PCDH15: variants seen among roughly 807,000 people sequenced by gnomAD.
PCDH15 encodes protocadherin-15.
Under a neutral mutation model 178.5 loss-of-function variants are expected in PCDH15, and 129 were observed. The ratio of observed to expected loss-of-function variants is 0.72; its 90% CI spans 0.63 to 0.84. PCDH15 has a LOEUF of 0.84. Ranked by LOEUF, PCDH15 falls within the 40% of genes least tolerant of loss-of-function variation. The pLI, the probability that PCDH15 is intolerant of heterozygous loss-of-function variation, is 0.00. For synonymous variants in PCDH15, 800 were observed against 732.0 expected, an observed-to-expected ratio of 1.09 and a Z score of -1.50; for missense variants, 2,230 against 2,099.9, an observed-to-expected ratio of 1.06 and a Z score of -1.21.
At chr10:54,973,820 C>A (rs572112705) in intron 2 of PCDH15, among the ~76,000 whole-genome samples, 1 of 152,080 alleles carries the variant, frequency 6.6e-6, no homozygotes, top group Non-Finnish European at 1.5e-5. Context: ...AACATATACA[C>A]AATACACAAC....
chr10:55,197,175 T>G (rs2132153794), intron 1 of PCDH15, among the ~76,000 whole-genome samples: 1 of 152,190 alleles, frequency 6.6e-6, no homozygotes, highest in African/African-American at 2.4e-5. Flanking sequence ...TTCAAAACTC[T>G]TATTTTCAAA....
chr10:54,376,774 A>C (rs1948508251), intron 4 of PCDH15, among the ~76,000 whole-genome samples: 1 of 151,948 alleles, frequency 6.6e-6, no homozygotes, highest in East Asian at 1.9e-4. Flanking sequence ...TATAGGGACA[A>C]TATATCGAGA....
chr10:55,616,909 A>G (rs954158326), intron 2 of PCDH15, among the ~76,000 whole-genome samples: 2 of 152,116 alleles, frequency 1.3e-5, no homozygotes, highest in East Asian at 1.9e-4. Context: ...TGTAGAATAT[A>G]CATTAAGTAC....
At chr10:54,167,121 G>A (rs922355714) in intron 13 of PCDH15, among the ~76,000 whole-genome samples, 3 of 152,142 alleles carry the variant, frequency 2.0e-5, no homozygotes, top group Admixed American at 6.5e-5. Flanking sequence ...ACATGGACGC[G>A]CATGAAATTT....
intron 2 of PCDH15, among the ~76,000 whole-genome samples, chr10:55,426,358 C>T (rs1054313647): frequency 3.9e-5 from 6 of 152,066 alleles, no homozygotes; most frequent in Non-Finnish European, 5.9e-5. Flanking sequence ...GCTCTGGTGC[C>T]GGCAGGGGTG....
chr10:55,028,470 C>T (rs1051256847), intron 2 of PCDH15, among the ~76,000 whole-genome samples: 1 of 151,884 alleles, frequency 6.6e-6, no homozygotes, highest in Non-Finnish European at 1.5e-5. Context: ...AAGCATTTAT[C>T]TTTATAACAA....
At chr10:55,350,260 TATATATATAC>T (rs1355788473) in intron 2 of PCDH15, among the ~76,000 whole-genome samples, 91 of 71,506 alleles carry the variant, frequency 1.3e-3, no homozygotes, top group Non-Finnish European at 1.8e-3. Context: ...TATATATATA[TATATATATAC>T]ACACACACAC....
chr10:54,889,902 C>T (rs1954429623), intron 3 of PCDH15, among the ~76,000 whole-genome samples: 1 of 151,788 alleles, frequency 6.6e-6, no homozygotes. Context: ...AATATCACAG[C>T]ACCCATAGTA....
At chr10:53,917,362 G>C (rs982423960) in intron 25 of PCDH15, among the ~76,000 whole-genome samples, 18 of 152,020 alleles carry the variant, frequency 1.2e-4, no homozygotes, top group Non-Finnish European at 2.1e-4. Flanking sequence ...AATGACCTCT[G>C]AATTCTTTGA....
At chr10:55,528,764 A>G (rs1841373253) in intron 2 of PCDH15, among the ~76,000 whole-genome samples, 1 of 152,126 alleles carries the variant, frequency 6.6e-6, no homozygotes, top group South Asian at 2.1e-4. Context: ...GCTGGGTCAA[A>G]TAGTATTTCT....
chr10:54,102,355 G>A (rs142389903), intron 15 of PCDH15, among the ~76,000 whole-genome samples: 1 of 152,306 alleles, frequency 6.6e-6, no homozygotes, highest in African/African-American at 2.4e-5. Context: ...GGAGAAAAAG[G>A]CATTTGCCAA....
Position 53,811,720 on chromosome 10 carries a change from T to C in PCDH15, c.4492-101A>G, listed in dbSNP as rs185136039. On this transcript the variant is annotated intron_variant, in intron 35 of 37. Coordinates refer to ENST00000644397, the MANE Select transcript of PCDH15 (RefSeq NM_001384140.1). ...CTAGAATTCCATGATTCTCAAAACA[T>C]TCCTGCCAAAATAACTTTAAATACA... 1,685 of 625,914 alleles carry C rather than the reference T, an allele frequency of 2.7e-3. 14 individuals are homozygous for C. Among genetic ancestry groups the C allele is most frequent in the Non-Finnish European group, 2.2e-3 (824 of 382,696 alleles). 38.8% of individuals were successfully genotyped at this position (625,914 alleles called of 1,614,324 possible). A position where few individuals can be genotyped will look rare whatever the true frequency, so the allele number is the denominator to read the frequency against.
chr10:54,332,612 T>C (rs1940071344), intron 6 of PCDH15, among the ~76,000 whole-genome samples: 1 of 151,474 alleles, frequency 6.6e-6, no homozygotes. Flanking sequence ...CTTAAGTCTT[T>C]GATGTGATCT....
At chr10:55,080,177 A>G (rs1391378180) in intron 2 of PCDH15, among the ~76,000 whole-genome samples, 1 of 152,082 alleles carries the variant, frequency 6.6e-6, no homozygotes, top group African/African-American at 2.4e-5. Context: ...GGTGCACTAG[A>G]GCAGGGGTTC....
chr10:54,862,502 G>A (rs2131781955), intron 3 of PCDH15, among the ~76,000 whole-genome samples: 1 of 152,212 alleles, frequency 6.6e-6, no homozygotes, highest in African/African-American at 2.4e-5. Context: ...CAGCTTATAT[G>A]CGGCTTGTCC....
chr10:55,534,884 T>C (rs1266472779), intron 2 of PCDH15, among the ~76,000 whole-genome samples: 3 of 151,934 alleles, frequency 2.0e-5, no homozygotes, highest in Non-Finnish European at 4.4e-5. Flanking sequence ...TACACAGCCA[T>C]AAAAAATAAT....
chr10:54,885,539 T>C (rs1274683726), intron 3 of PCDH15, among the ~76,000 whole-genome samples: 1 of 151,780 alleles, frequency 6.6e-6, no homozygotes, highest in Non-Finnish European at 1.5e-5. Context: ...ACAAAATAAA[T>C]AATAATTTCA....
At chr10:55,034,629 T>C (rs1456508509) in intron 2 of PCDH15, among the ~76,000 whole-genome samples, 1 of 152,152 alleles carries the variant, frequency 6.6e-6, no homozygotes, top group Non-Finnish European at 1.5e-5. Context: ...TTGGCACTAT[T>C]TAGAAATTAA....
intron 2 of PCDH15, among the ~76,000 whole-genome samples, chr10:55,367,398 T>G (rs77201791): frequency 0.013 from 1,917 of 151,822 alleles, 33 homozygotes; most frequent in African/African-American, 0.044. Context: ...CTAGGAAACA[T>G]AGGGAGGCCC....
Sources: gnomAD v4.1 joint callset for allele counts (sites outside exome capture counted in the v4.1 genomes callset) on GRCh38, gnomAD v4.1.1 for gene constraint, MANE v1.5 for transcripts, NCBI Gene and HGNC (gene_info 2026-07-23, HGNC 2026-07-21) for gene names.